The following LRRTM4 variants were observed in gnomAD, a reference collection of about 807,000 sequenced individuals.
LRRTM4 encodes leucine rich repeat transmembrane neuronal 4.
LRRTM4 carries 25 observed loss-of-function variants against 47.6 expected under a neutral mutation model. The ratio of observed to expected loss-of-function variants is 0.53; its 90% CI spans 0.38 to 0.73. The LOEUF (loss-of-function observed/expected upper bound fraction) is 0.73. Ranked by LOEUF, LRRTM4 falls within the 30% of genes least tolerant of loss-of-function variation. The pLI, the probability that LRRTM4 is intolerant of heterozygous loss-of-function variation, is 0.00. For synonymous variants in LRRTM4, 311 were observed against 269.5 expected (o/e 1.15, Z -1.51); for missense variants, 638 against 713.4 (o/e 0.89, Z 1.20).
At chr2:76,833,744 CAT>C (rs1290769226) in intron 3 of LRRTM4, among the ~76,000 whole-genome samples, 5 of 151,692 alleles carry the variant, frequency 3.3e-5, no homozygotes, top group Admixed American at 1.3e-4. Context: ...CAATGTAAAA[CAT>C]GTGAAAATGA....
At position 77,050,377 on chromosome 2, in the gene LRRTM4, G is replaced by C. The variant is rs528898242; in HGVS notation, c.1552-301461C>G. 5.9e-5 allele frequency among the ~76,000 whole-genome samples: 9 copies of C among 152,226 alleles called. No individual in the cohort carries two copies. In the East Asian group the frequency reaches 1.7e-3, roughly 29 times the overall value. On this transcript the variant is annotated intron_variant, in intron 3 of 3. Coordinates refer to ENST00000409884, the MANE Select transcript of LRRTM4 (RefSeq NM_001134745.3). Reference sequence around the variant, plus strand: ...ATGCCAGATGCTATTTATAATTGTAGGGGGTTTTGTTTGTTTTAATTTAGC... The same window carrying C: ...ATGCCAGATGCTATTTATAATTGTACGGGGTTTTGTTTGTTTTAATTTAGC...
intron 3 of LRRTM4, among the ~76,000 whole-genome samples, chr2:77,155,956 A>T (rs1464688068): frequency 6.6e-6 from 1 of 152,184 alleles, no homozygotes; most frequent in Non-Finnish European, 1.5e-5. Context: ...ACCTGACTGA[A>T]TCAATTTTCA....
rs866926367 is a variant in LRRTM4, at chr2:77,192,137, C to T, written c.1551+326181G>A. Reference sequence around the variant, plus strand: ...ATTTATAATGCTGATTCTGTGTGTTCGTGGGTTGCCATGCTTGTGAGAATA... The same window carrying T: ...ATTTATAATGCTGATTCTGTGTGTTTGTGGGTTGCCATGCTTGTGAGAATA... On this transcript the variant is annotated intron_variant, in intron 3 of 3. Transcript: ENST00000409884. 5.9e-5 allele frequency among the ~76,000 whole-genome samples: 9 copies of T among 151,908 alleles called. No individual in the cohort carries two copies. The South Asian group carries it at 8.3e-4, about 14-fold the overall frequency.
At chr2:77,448,893 T>G (rs1468113407) in intron 3 of LRRTM4, among the ~76,000 whole-genome samples, 3 of 152,218 alleles carry the variant, frequency 2.0e-5, no homozygotes, top group African/African-American at 7.2e-5. Flanking sequence ...CACATGATAT[T>G]TGTGGAAAGT....
chr2:76,989,648 T>C (rs1676933779), intron 3 of LRRTM4, among the ~76,000 whole-genome samples: 1 of 150,138 alleles, frequency 6.7e-6, no homozygotes, highest in Admixed American at 6.7e-5. Flanking sequence ...CTCAGTATCC[T>C]GAGCTAGAAA....
intron 3 of LRRTM4, among the ~76,000 whole-genome samples, chr2:76,967,018 CAAAT>C (rs897707525): frequency 4.6e-5 from 7 of 151,450 alleles, no homozygotes; most frequent in East Asian, 1.9e-4. Flanking sequence ...AATCACCTAT[CAAAT>C]AAATAAATTT....
intron 3 of LRRTM4, among the ~76,000 whole-genome samples, chr2:77,145,930 G>T (rs952431567): frequency 3.3e-5 from 5 of 151,990 alleles, no homozygotes; most frequent in African/African-American, 1.2e-4. Context: ...AAAAATTTAA[G>T]ATCAAAATTT....
chr2:76,973,191 C>A (rs994802038), intron 3 of LRRTM4, among the ~76,000 whole-genome samples: 1 of 151,918 alleles, frequency 6.6e-6, no homozygotes, highest in African/African-American at 2.4e-5. Context: ...AGATCAGTGA[C>A]ACTGAATTAC....
Position 77,049,092 on chromosome 2 carries a change from T to G in LRRTM4, c.1552-300176A>C, listed in dbSNP as rs576006746. Among the ~76,000 whole-genome samples, 17 of 138,388 alleles carry G rather than the reference T, an allele frequency of 1.2e-4. 1 individual carries two copies. The South Asian group carries it at 2.9e-3, about 24-fold the overall frequency. 90.8% of individuals were successfully genotyped at this position (138,388 alleles called of 152,430 possible). On this transcript the variant is annotated intron_variant, in intron 3 of 3. Coordinates refer to ENST00000409884, the MANE Select transcript of LRRTM4 (RefSeq NM_001134745.3). ...CCGTGTTGCTGTGAATGACAGTTTG[T>G]TTTTTTTTGACTAAATAATATTTCA... is the stretch of plus-strand genomic sequence containing the variant.
chr2:76,964,291 G>A (rs1675953115), intron 3 of LRRTM4, among the ~76,000 whole-genome samples: 1 of 151,030 alleles, frequency 6.6e-6, no homozygotes, highest in African/African-American at 2.4e-5. Context: ...GACTTTATTA[G>A]TTGTCTATAG....
chr2:77,094,568 A>G (rs1670754563), intron 3 of LRRTM4, among the ~76,000 whole-genome samples: 4 of 152,208 alleles, frequency 2.6e-5, no homozygotes, highest in Admixed American at 2.6e-4. Context: ...TGATACAGCC[A>G]TAAATATAGA....
At chr2:77,107,577 G>A (rs58360578) in intron 3 of LRRTM4, among the ~76,000 whole-genome samples, 1,798 of 152,170 alleles carry the variant, frequency 0.012, 38 homozygotes, top group African/African-American at 0.041. Flanking sequence ...CCAGCACTTC[G>A]GGAGGCCGAG....
At chr2:77,381,888 G>A (rs1008279725) in intron 3 of LRRTM4, among the ~76,000 whole-genome samples, 6 of 151,954 alleles carry the variant, frequency 3.9e-5, no homozygotes, top group African/African-American at 1.4e-4. Context: ...TTTTGGAAAA[G>A]AAGGAACTTA....
intron 3 of LRRTM4, among the ~76,000 whole-genome samples, chr2:77,261,616 G>A (rs1675920913): frequency 6.6e-6 from 1 of 151,780 alleles, no homozygotes; most frequent in African/African-American, 2.4e-5. Context: ...TAATACACCT[G>A]GGGTCCCGGA....
At chr2:77,450,456 T>G (rs1024291122) in intron 3 of LRRTM4, among the ~76,000 whole-genome samples, 1 of 152,202 alleles carries the variant, frequency 6.6e-6, no homozygotes, top group Non-Finnish European at 1.5e-5. Flanking sequence ...CAATCTTTAG[T>G]CAATAACATA....
At chr2:77,349,773 G>A (rs1011240960) in intron 3 of LRRTM4, among the ~76,000 whole-genome samples, 1 of 152,020 alleles carries the variant, frequency 6.6e-6, no homozygotes, top group Non-Finnish European at 1.5e-5. Context: ...TAAATTTCCA[G>A]CATATATGAA....
chr2:77,369,139 T>C (rs1672563747), intron 3 of LRRTM4, among the ~76,000 whole-genome samples: 1 of 151,800 alleles, frequency 6.6e-6, no homozygotes, highest in Non-Finnish European at 1.5e-5. Flanking sequence ...TTTTACATTA[T>C]CTTTGGAAAA....
intron 3 of LRRTM4, among the ~76,000 whole-genome samples, chr2:77,460,908 C>T (rs891164417): frequency 2.6e-5 from 4 of 152,020 alleles, no homozygotes; most frequent in African/African-American, 9.7e-5. Flanking sequence ...AGCCATGTCC[C>T]TTGCCCCAAG....
chr2:76,834,482 A>T (rs1343369688), intron 3 of LRRTM4, among the ~76,000 whole-genome samples: 1 of 152,020 alleles, frequency 6.6e-6, no homozygotes, highest in Non-Finnish European at 1.5e-5. Flanking sequence ...GTAATTAAGT[A>T]TGTTTAAGAT....
Sources: gnomAD v4.1 joint callset for allele counts (sites outside exome capture counted in the v4.1 genomes callset) on GRCh38, gnomAD v4.1.1 for gene constraint, MANE v1.5 for transcripts, NCBI Gene and HGNC (gene_info 2026-07-23, HGNC 2026-07-21) for gene names.